IKZF2: variants seen among roughly 807,000 people sequenced by gnomAD.
IKZF2 encodes IKAROS family zinc finger 2, also known as zinc finger protein Helios.
A neutral mutation model predicts 49.2 loss-of-function variants in IKZF2; 15 were observed. That is an observed-to-expected ratio of 0.30 (90% CI 0.20 to 0.47). The LOEUF (loss-of-function observed/expected upper bound fraction) is 0.47. Ranked by LOEUF, IKZF2 falls within the 20% of genes least tolerant of loss-of-function variation. IKZF2 has a pLI of 1.00. For synonymous variants in IKZF2, 227 were observed against 221.4 expected (o/e 1.03, Z -0.23); for missense variants, 567 against 664.6 (o/e 0.85, Z 1.61).
chr2:213,044,115 A>G (rs1437275550), intron 6 of IKZF2, among the ~76,000 whole-genome samples: 2 of 152,124 alleles, frequency 1.3e-5, no homozygotes, highest in African/African-American at 2.4e-5. Flanking sequence ...GAGTGAGGTC[A>G]GGGTGTTTAT....
At chr2:213,122,668 G>A (rs2060098577) in intron 4 of IKZF2, among the ~76,000 whole-genome samples, 3 of 152,078 alleles carry the variant, frequency 2.0e-5, no homozygotes, top group Non-Finnish European at 4.4e-5. Flanking sequence ...TAATTAAATG[G>A]GCTAACATAG....
intron 4 of IKZF2, among the ~76,000 whole-genome samples, chr2:213,124,783 G>A (rs1165429359): frequency 6.6e-6 from 1 of 152,154 alleles, no homozygotes; most frequent in Admixed American, 6.5e-5. Context: ...AATTCAACTT[G>A]CTAATCAATT....
chr2:213,007,688 T>A lies in IKZF2; in HGVS notation c.1253A>T (p.Gln418Leu). Residue 418 changes from glutamine to leucine, a missense_variant, in exon 9 of 9, where the codon CAG becomes CTG. Gln to Leu is a moderately radical substitution (Grantham distance 113). Coordinates refer to ENST00000434687, the MANE Select transcript of IKZF2 (RefSeq NM_001387220.1). The part of the protein sequence containing the change: ...TDSESSHDDH[Q>L]SYQGHPALNP... ...TAAGGCAGGGTGTCCTTGGTAGGAC[T>A]GGTGGTCATCATGGCTGCTTTCTGA... The A allele has an allele frequency of 6.2e-7, 1 of 1,613,758 alleles. No homozygotes were observed. Among genetic ancestry groups the A allele is most frequent in the South Asian group, 1.1e-5 (1 of 91,076 alleles).
At chr2:213,045,820 T>C (rs183417257) in intron 6 of IKZF2, among the ~76,000 whole-genome samples, 2 of 152,272 alleles carry the variant, frequency 1.3e-5, no homozygotes, top group African/African-American at 4.8e-5. Flanking sequence ...AGAAGCAACA[T>C]AGACCATATT....
intron 8 of IKZF2, among the ~76,000 whole-genome samples, chr2:213,010,225 A>AGATG (rs1440508821): frequency 6.6e-6 from 1 of 152,078 alleles, no homozygotes; most frequent in Admixed American, 6.6e-5. Context: ...CCTGGGCTTG[A>AGATG]GATGTAGAAA....
intron 4 of IKZF2, among the ~76,000 whole-genome samples, chr2:213,063,495 T>C (rs1701891427): frequency 6.6e-6 from 1 of 151,988 alleles, no homozygotes; most frequent in Admixed American, 6.6e-5. Context: ...TTGATGTTTC[T>C]GAAAACAGCA....
intron 4 of IKZF2, among the ~76,000 whole-genome samples, chr2:213,062,203 T>C (rs1401705727): frequency 1.3e-5 from 2 of 151,792 alleles, no homozygotes; most frequent in East Asian, 3.9e-4. Context: ...ACACCATACA[T>C]AGTAATGAGA....
At position 213,063,380 on chromosome 2, in the gene IKZF2, G is replaced by A. The variant is rs979199355; in HGVS notation, c.140-6281C>T. On this transcript the variant is annotated intron_variant, in intron 4 of 8. Coordinates refer to ENST00000434687, the MANE Select transcript of IKZF2 (RefSeq NM_001387220.1). The stretch of plus-strand genomic sequence containing the variant: ...CTGCACCTGAAGGCAGAAAACCAGG[G>A]TCTCTACCACCTCTTCTGCCATTTA... 2.0e-5 allele frequency among the ~76,000 whole-genome samples: 3 copies of A among 151,858 alleles called. No homozygotes were observed. In the East Asian group the frequency reaches 5.8e-4, roughly 29 times the overall value.
intron 1 of IKZF2, among the ~76,000 whole-genome samples, chr2:213,151,210 C>G (rs766831040): frequency 6.6e-6 from 1 of 151,970 alleles, no homozygotes; most frequent in African/African-American, 2.4e-5. Context: ...GAGAAAAATA[C>G]CTATATTATT....
At chr2:213,068,850 T>C (rs1212716131) in intron 4 of IKZF2, among the ~76,000 whole-genome samples, 1 of 151,590 alleles carries the variant, frequency 6.6e-6, no homozygotes, top group East Asian at 1.9e-4. Context: ...TGCAATGTGA[T>C]AAATGTGCCA....
chr2:213,080,207 T>TAGATAGATAGATAGATAGGTAGATAGAG, intron 4 of IKZF2, among the ~76,000 whole-genome samples: 1 of 152,146 alleles, frequency 6.6e-6, no homozygotes, highest in Non-Finnish European at 1.5e-5. Flanking sequence ...GATAGATAGA[T>TAGATAGATAGATAGATAGGTAGATAGAG]ATGGATATCT....
intron 4 of IKZF2, among the ~76,000 whole-genome samples, chr2:213,099,695 T>A (rs189218281): frequency 6.6e-6 from 1 of 152,136 alleles, no homozygotes; most frequent in Admixed American, 6.6e-5. Context: ...AGATGTGTAA[T>A]CATATTATGA....
At chr2:213,110,765 G>T (rs770541668) in intron 4 of IKZF2, among the ~76,000 whole-genome samples, 1 of 151,886 alleles carries the variant, frequency 6.6e-6, no homozygotes, top group East Asian at 1.9e-4. Flanking sequence ...ATACATAAAA[G>T]GCCCTGTTTC....
At chr2:213,104,932 CA>C (rs2059473796) in intron 4 of IKZF2, among the ~76,000 whole-genome samples, 3 of 152,022 alleles carry the variant, frequency 2.0e-5, no homozygotes, top group Admixed American at 2.0e-4. Context: ...TTTACAGGGC[CA>C]ACCCATTTAT....
rs149817518 is a variant in IKZF2, at chr2:213,130,964, T to G, written c.139+16744A>C. Among the ~76,000 whole-genome samples, 44 of 152,302 alleles carry G rather than the reference T, an allele frequency of 2.9e-4. 1 individual carries two copies. In the East Asian group the frequency reaches 6.9e-3, roughly 24 times the overall value. ...CTTCAAGCTATTAAATATACTGCCT[T>G]ATTTCTTGCAGCTATAGGAATGATT... On this transcript the variant is annotated intron_variant, in intron 4 of 8. Transcript: ENST00000434687.
intron 4 of IKZF2, among the ~76,000 whole-genome samples, chr2:213,125,174 G>C (rs2060217095): frequency 6.6e-6 from 1 of 152,244 alleles, no homozygotes; most frequent in East Asian, 1.9e-4. Context: ...CACATCTTCT[G>C]TTCTAGAGTG....
intron 4 of IKZF2, among the ~76,000 whole-genome samples, chr2:213,117,553 G>C (rs2059915835): frequency 6.6e-6 from 1 of 152,184 alleles, no homozygotes; most frequent in African/African-American, 2.4e-5. Context: ...CAACAGTCAA[G>C]ACATGCTCTG....
rs367707798 is a variant in IKZF2, at chr2:213,031,686, A to C, written c.575-9556T>G. On this transcript the variant is annotated intron_variant, in intron 6 of 8. Transcript: ENST00000434687. Reference sequence around the variant, plus strand: ...ACATTGTAACATATTTTGGCAGTGTAACAGTTATGCTTCCCCAGCATTTCC... The same window carrying C: ...ACATTGTAACATATTTTGGCAGTGTCACAGTTATGCTTCCCCAGCATTTCC... Among the ~76,000 whole-genome samples, 36 of 152,330 alleles carry C rather than the reference A, an allele frequency of 2.4e-4. No homozygotes were observed. In the East Asian group the frequency reaches 6.2e-3, roughly 26 times the overall value.
chr2:213,058,078 A>G (rs1048790543), intron 4 of IKZF2, among the ~76,000 whole-genome samples: 3 of 152,134 alleles, frequency 2.0e-5, no homozygotes, highest in Non-Finnish European at 4.4e-5. Context: ...CTTATTTGGT[A>G]CTACTTGATT....
Sources: gnomAD v4.1 joint callset for allele counts (sites outside exome capture counted in the v4.1 genomes callset) on GRCh38, gnomAD v4.1.1 for gene constraint, MANE v1.5 for transcripts, NCBI Gene and HGNC (gene_info 2026-07-23, HGNC 2026-07-21) for gene names.